Variants in CHRM3 observed in about 807,000 individuals in gnomAD.
The protein encoded by CHRM3 is muscarinic acetylcholine receptor M3.
Under a neutral mutation model 41.8 loss-of-function variants are expected in CHRM3, and 11 were observed. The ratio of observed to expected loss-of-function variants is 0.26; its 90% confidence interval spans 0.17 to 0.44. The LOEUF is 0.44. CHRM3 is among the 20% of genes least tolerant of loss of function. The pLI, the probability that CHRM3 is intolerant of heterozygous loss-of-function variation, is 1.00. For missense variants in CHRM3, 571 were observed against 745.4 expected (o/e 0.77, Z 2.72); for synonymous variants, 297 against 301.4 (o/e 0.99, Z 0.15).
intron 4 of CHRM3, among the ~76,000 whole-genome samples, chr1:239,675,378 C>A (rs959787065): frequency 6.6e-6 from 1 of 152,100 alleles, no homozygotes; most frequent in Non-Finnish European, 1.5e-5. Context: ...TCAGTTTAAT[C>A]TTCTATTTGT....
At chr1:239,749,083 A>T (rs1261042589) in intron 5 of CHRM3, among the ~76,000 whole-genome samples, 1 of 152,138 alleles carries the variant, frequency 6.6e-6, no homozygotes, top group Non-Finnish European at 1.5e-5. Context: ...CCAGATACAT[A>T]TTTATTTTTC....
intron 6 of CHRM3, among the ~76,000 whole-genome samples, chr1:239,893,289 C>T (rs1678698622): frequency 6.6e-6 from 1 of 152,132 alleles, no homozygotes; most frequent in South Asian, 2.1e-4. Context: ...AAACTGCTAC[C>T]AGTGATTACC....
intron 5 of CHRM3, among the ~76,000 whole-genome samples, chr1:239,717,788 C>T (rs1662536293): frequency 6.6e-6 from 1 of 152,066 alleles, no homozygotes; most frequent in South Asian, 2.1e-4. Context: ...CTAGAACTGA[C>T]ATTCCTTGGG....
chr1:239,781,355 G>A (rs1668498546), intron 5 of CHRM3, among the ~76,000 whole-genome samples: 1 of 152,150 alleles, frequency 6.6e-6, no homozygotes, highest in African/African-American at 2.4e-5. Flanking sequence ...CTATTTGGGG[G>A]AAATTAACAT....
intron 5 of CHRM3, among the ~76,000 whole-genome samples, chr1:239,759,603 C>T (rs888450900): frequency 6.6e-6 from 1 of 152,012 alleles, no homozygotes; most frequent in African/African-American, 2.4e-5. Flanking sequence ...ATAAAAAAAG[C>T]AAAAATAGTC....
At chr1:239,591,135 G>T (rs939747299) in intron 3 of CHRM3, among the ~76,000 whole-genome samples, 5 of 152,242 alleles carry the variant, frequency 3.3e-5, no homozygotes, top group African/African-American at 1.2e-4. Context: ...TTATCTCTAG[G>T]CTAGCCCTGG....
rs967749956 is a variant in CHRM3, at chr1:239,429,077, T to C, written c.-521+41850T>C. 4.6e-5 allele frequency among the ~76,000 whole-genome samples: 7 copies of C among 152,352 alleles called. No individual in the cohort carries two copies. In the South Asian group the frequency reaches 1.0e-3, roughly 23 times the overall value. On this transcript the variant is annotated intron_variant, in intron 1 of 6. Transcript: ENST00000676153. ...TATTTCCTTGGGAAATTTCTGGCTT[T>C]CTTGAAATCAAATTACTAGGTTGAA...
At chr1:239,786,376 T>G (rs1459443974) in intron 5 of CHRM3, among the ~76,000 whole-genome samples, 1 of 152,172 alleles carries the variant, frequency 6.6e-6, no homozygotes, top group African/African-American at 2.4e-5. Flanking sequence ...ACATTCCATG[T>G]GTATTTCCTC....
chr1:239,578,394 G>GA (rs768262929), intron 3 of CHRM3, among the ~76,000 whole-genome samples: 1 of 152,202 alleles, frequency 6.6e-6, no homozygotes, highest in African/African-American at 2.4e-5. Context: ...ACTTTGTTCA[G>GA]AAAAATTGTC....
intron 1 of CHRM3, among the ~76,000 whole-genome samples, chr1:239,470,420 C>T (rs1282701927): frequency 2.6e-5 from 4 of 152,112 alleles, no homozygotes; most frequent in African/African-American, 7.2e-5. Flanking sequence ...TTTGCTATGG[C>T]GGCCCTAGTA....
intron 2 of CHRM3, 92 bp downstream of exon 2, chr1:239,492,899 T>C (rs1317975021): frequency 6.6e-6 from 1 of 152,194 alleles, no homozygotes; most frequent in Non-Finnish European, 1.5e-5. Flanking sequence ...GATTCTTTTG[T>C]CTTACTCTTC....
chr1:239,706,608 G>A (rs1051662126), intron 5 of CHRM3: 4 of 139,408 alleles, frequency 2.9e-5, no homozygotes, highest in South Asian at 4.5e-4. Context: ...CCCCACACAT[G>A]TGTCCATGTA....
intron 6 of CHRM3, among the ~76,000 whole-genome samples, chr1:239,889,892 T>G (rs1678401962): frequency 6.6e-6 from 1 of 152,192 alleles, no homozygotes; most frequent in Non-Finnish European, 1.5e-5. Flanking sequence ...TCTTGGCAGT[T>G]TCTGGTATAT....
intron 6 of CHRM3, among the ~76,000 whole-genome samples, chr1:239,900,240 C>T (rs1011904760): frequency 2.0e-5 from 3 of 151,390 alleles, no homozygotes; most frequent in Admixed American, 6.6e-5. Context: ...GCTCTTAGCC[C>T]GGGGTTATCA....
chr1:239,557,266 CTG>C (rs2148472649), intron 3 of CHRM3, among the ~76,000 whole-genome samples: 1 of 152,280 alleles, frequency 6.6e-6, no homozygotes, highest in African/African-American at 2.4e-5. Context: ...TCCTTTAAAA[CTG>C]TCTTCTTTGC....
At chr1:239,464,536 T>C (rs1665588790) in intron 1 of CHRM3, among the ~76,000 whole-genome samples, 1 of 152,160 alleles carries the variant, frequency 6.6e-6, no homozygotes, top group Non-Finnish European at 1.5e-5. Context: ...CTTACTCTGC[T>C]GCCATATAAG....
intron 5 of CHRM3, chr1:239,704,792 T>C (rs1282488012): frequency 1.3e-5 from 2 of 152,202 alleles, no homozygotes; most frequent in East Asian, 3.8e-4. Context: ...CTTAGAGGAA[T>C]ACATTTATTC....
intron 3 of CHRM3, among the ~76,000 whole-genome samples, chr1:239,592,450 C>G (rs1360858943): frequency 6.6e-6 from 1 of 152,136 alleles, no homozygotes; most frequent in Non-Finnish European, 1.5e-5. Flanking sequence ...TTCTCCCCAC[C>G]TCCCCAGCCT....
chr1:239,539,538 G>T lies in CHRM3; in HGVS notation c.-421-6103G>T, dbSNP rs16838458. 2.7e-3 allele frequency among the ~76,000 whole-genome samples: 406 copies of T among 152,180 alleles called. 4 individuals are homozygous for T. The highest frequency in any genetic ancestry group is 0.02 in the Admixed American group (308 of 15,282). ...ATTTCTCTTTCTTTCTCATATTTCT[G>T]TACAGTCATGCACTGTGAAATGATG... On this transcript the variant is annotated intron_variant, in intron 2 of 6. Coordinates refer to ENST00000676153, the MANE Select transcript of CHRM3 (RefSeq NM_001375978.1).
Sources: allele counts gnomAD v4.1 joint callset (sites outside exome capture counted in the v4.1 genomes callset), GRCh38; gene constraint gnomAD v4.1.1; transcripts MANE v1.5; gene names NCBI Gene and HGNC (gene_info 2026-07-23, HGNC 2026-07-21).